DENND1B: variants seen among roughly 807,000 people sequenced by gnomAD.
DENND1B encodes the protein DENN domain containing 1B.
DENND1B carries 59 observed loss-of-function variants against 90.1 expected under a neutral mutation model. That is an observed-to-expected ratio of 0.65 (90% CI 0.53 to 0.81). The LOEUF (loss-of-function observed/expected upper bound fraction) is 0.81. Among genes scored for constraint, DENND1B ranks in the 40% least tolerant of loss-of-function variants. The pLI is 0.00. For synonymous variants in DENND1B, 337 were observed against 324.6 expected (o/e 1.04, Z -0.41); for missense variants, 862 against 912.6 (o/e 0.94, Z 0.71).
chr1:197,697,195 A>G (rs1353542649), intron 3 of DENND1B, among the ~76,000 whole-genome samples: 3 of 151,630 alleles, frequency 2.0e-5, no homozygotes, highest in Non-Finnish European at 4.4e-5. Flanking sequence ...AGTGCTTCAG[A>G]CAGACCTTAA....
At chr1:197,563,456 T>C (rs1186850255) in intron 15 of DENND1B, among the ~76,000 whole-genome samples, 7 of 151,982 alleles carry the variant, frequency 4.6e-5, no homozygotes, top group Non-Finnish European at 8.8e-5. Flanking sequence ...AAAGCCCAGA[T>C]GACAATACAT....
At chr1:197,693,400 AT>A (rs1658107175) in intron 3 of DENND1B, among the ~76,000 whole-genome samples, 2 of 151,704 alleles carry the variant, frequency 1.3e-5, no homozygotes, top group Non-Finnish European at 3.0e-5. Flanking sequence ...CATGAAGTTA[AT>A]TTTTGAAATT....
At chr1:197,589,185 C>T (rs887284493) in intron 14 of DENND1B, among the ~76,000 whole-genome samples, 2 of 152,086 alleles carry the variant, frequency 1.3e-5, no homozygotes, top group African/African-American at 2.4e-5. Flanking sequence ...AAGAAAAACA[C>T]TCTCCATTCT....
At chr1:197,527,306 T>G (rs1264685813) in intron 20 of DENND1B, among the ~76,000 whole-genome samples, 2 of 109,452 alleles carry the variant, frequency 1.8e-5, no homozygotes, top group Non-Finnish European at 4.3e-5. Flanking sequence ...TTGAAGGTTT[T>G]TTTTTGTTTT....
intron 10 of DENND1B, among the ~76,000 whole-genome samples, chr1:197,633,495 A>C (rs1679515906): frequency 6.6e-6 from 1 of 152,216 alleles, no homozygotes. Context: ...TCCTGGTTCC[A>C]GTGAGACACT....
At chr1:197,652,091 T>C (rs1321617995) in intron 7 of DENND1B, 144 bp downstream of exon 7, 5 of 632,270 alleles carry the variant, frequency 7.9e-6, no homozygotes, top group Middle Eastern at 2.5e-4. Context: ...CACAATATTA[T>C]CACCTTGTTA....
chr1:197,658,171 A>G (rs1428055083), intron 6 of DENND1B, 129 bp downstream of exon 6: 6 of 754,322 alleles, frequency 8.0e-6, no homozygotes, highest in Non-Finnish European at 1.4e-5. Context: ...GATGTATGGT[A>G]TTGATGATTG....
chr1:197,595,358 AAT>A, intron 13 of DENND1B, 25 bp from the exon 14 acceptor site: 5 of 1,609,210 alleles, frequency 3.1e-6, no homozygotes, highest in Non-Finnish European at 4.2e-6. Flanking sequence ...GGAACAGTTA[AAT>A]TAACACCTCA....
chr1:197,559,459 T>C (rs1231239488), intron 15 of DENND1B, among the ~76,000 whole-genome samples: 1 of 151,892 alleles, frequency 6.6e-6, no homozygotes, highest in Non-Finnish European at 1.5e-5. Context: ...AATAAACAAA[T>C]CTACACACCC....
chr1:197,656,846 A>C (rs1295091064), intron 6 of DENND1B, among the ~76,000 whole-genome samples: 1 of 150,822 alleles, frequency 6.6e-6, no homozygotes, highest in Non-Finnish European at 1.5e-5. Flanking sequence ...AGGGAAAAAA[A>C]AATTAAAATC....
chr1:197,671,931 C>T, intron 5 of DENND1B, 106 bp downstream of exon 5: 2 of 1,169,380 alleles, frequency 1.7e-6, no homozygotes, highest in African/African-American at 1.6e-5. Context: ...TATTTTTCAA[C>T]TTGTTTTTAA....
At chr1:197,517,860 C>T (rs1668507729) in intron 20 of DENND1B, among the ~76,000 whole-genome samples, 1 of 151,840 alleles carries the variant, frequency 6.6e-6, no homozygotes, top group African/African-American at 2.4e-5. Context: ...CTCTGTCCTA[C>T]ACGTGGGCTG....
At chr1:197,548,630 T>C (rs1003307104) in intron 16 of DENND1B, among the ~76,000 whole-genome samples, 2 of 152,088 alleles carry the variant, frequency 1.3e-5, no homozygotes, top group Non-Finnish European at 2.9e-5. Context: ...AGAATAAGAA[T>C]CTAGGAATTT....
chr1:197,688,563 A>G (rs1657507907), intron 3 of DENND1B, among the ~76,000 whole-genome samples: 1 of 152,112 alleles, frequency 6.6e-6, no homozygotes, highest in South Asian at 2.1e-4. Context: ...GGAACACACA[A>G]TGAGGCAAGG....
At chr1:197,690,886 AAT>A (rs1024274246) in intron 3 of DENND1B, among the ~76,000 whole-genome samples, 5 of 152,132 alleles carry the variant, frequency 3.3e-5, no homozygotes, top group East Asian at 1.9e-4. Flanking sequence ...ACCAAAAAAA[AAT>A]CTGTCATAGA....
At chr1:197,527,262 C>T (rs1210697936) in intron 20 of DENND1B, among the ~76,000 whole-genome samples, 1 of 150,696 alleles carries the variant, frequency 6.6e-6, no homozygotes, top group East Asian at 1.9e-4. Flanking sequence ...AAAAGAAGAA[C>T]ATTCACTTAA....
intron 3 of DENND1B, among the ~76,000 whole-genome samples, chr1:197,682,115 A>G (rs571087276): frequency 6.6e-6 from 1 of 151,414 alleles, no homozygotes; most frequent in East Asian, 1.9e-4. Flanking sequence ...TAAGGCCTTT[A>G]GTTTTCAAGA....
intron 3 of DENND1B, among the ~76,000 whole-genome samples, chr1:197,675,776 A>G (rs933920959): frequency 6.6e-5 from 10 of 152,162 alleles, no homozygotes; most frequent in African/African-American, 2.4e-4. Context: ...TGTCCACATA[A>G]TTTCTGTAAC....
At chr1:197,644,786 T>A (rs16841843) in intron 9 of DENND1B, among the ~76,000 whole-genome samples, 1 of 152,168 alleles carries the variant, frequency 6.6e-6, no homozygotes, top group African/African-American at 2.4e-5. Context: ...CTTCACTACC[T>A]ACATGCTTTT....
Sources: gnomAD v4.1 joint callset for allele counts (sites outside exome capture counted in the v4.1 genomes callset) on GRCh38, gnomAD v4.1.1 for gene constraint, MANE v1.5 for transcripts, NCBI Gene and HGNC (gene_info 2026-07-23, HGNC 2026-07-21) for gene names.